Variants in WIPI2 observed in about 807,000 individuals in gnomAD.
WIPI2 encodes the protein WD repeat domain, phosphoinositide interacting 2, also known as WD repeat domain phosphoinositide-interacting protein 2.
WIPI2 carries 28 observed loss-of-function variants against 52.3 expected under a neutral mutation model. The observed-to-expected ratio is 0.54, with a 90% CI of 0.40 to 0.73. The LOEUF (loss-of-function observed/expected upper bound fraction) is 0.73, where lower values mean the gene tolerates loss of function less well. Ranked by LOEUF, WIPI2 falls within the 30% of genes least tolerant of loss-of-function variation. The probability of loss-of-function intolerance (pLI) is 0.00; values close to 1 mark genes in which losing one functional copy is unlikely to be tolerated. For synonymous variants in WIPI2, 268 were observed against 245.0 expected (o/e 1.09, Z -0.88); for missense variants, 506 against 602.9 (o/e 0.84, Z 1.68).
At chr7:5,220,088 A>T (rs4720534) in intron 7 of WIPI2, among the ~76,000 whole-genome samples, 3 of 151,754 alleles carry the variant, frequency 2.0e-5, no homozygotes, top group South Asian at 2.1e-4. Flanking sequence ...TACAAACCTC[A>T]GCCTCCCAAA....
intron 9 of WIPI2, chr7:5,226,809 C>T (rs1449438572): frequency 1.1e-5 from 1 of 95,008 alleles, no homozygotes; most frequent in Non-Finnish European, 1.9e-5. Flanking sequence ...GGGAAAATAA[C>T]ATTTTGGGGT....
At chr7:5,220,942 T>A (rs923827718) in intron 7 of WIPI2, among the ~76,000 whole-genome samples, 1 of 148,160 alleles carries the variant, frequency 6.7e-6, no homozygotes, top group Non-Finnish European at 1.5e-5. Context: ...TACAGGTGCG[T>A]GCCACCACAC....
Position 5,197,111 on chromosome 7 carries a change from C to CAAAAAA in WIPI2, c.129-2464_129-2459dup, listed in dbSNP as rs1562384541. Among the ~76,000 whole-genome samples the CAAAAAA allele has an allele frequency of 1.1e-4, 6 of 56,426 alleles. 1 individual carries two copies. The highest frequency in any genetic ancestry group is 2.0e-4 in the African/African-American group (2 of 10,216). 37.0% of individuals were successfully genotyped at this position (56,426 alleles called of 152,430 possible). The stretch of plus-strand genomic sequence containing the variant: ...TGCATGACAGAGCGGGACTCCGTCT[C>CAAAAAA]AAAAAACAAAAAAAAAAAAAAAAAA... On this transcript the variant is annotated intron_variant, in intron 2 of 12. Transcript: ENST00000288828.
intron 3 of WIPI2, among the ~76,000 whole-genome samples, chr7:5,212,585 A>G (rs1782610506): frequency 6.6e-6 from 1 of 152,128 alleles, no homozygotes; most frequent in Admixed American, 6.5e-5. Context: ...CCAGGCTGGC[A>G]TGCAGGAACG....
intron 9 of WIPI2, chr7:5,226,488 C>T (rs943308632): frequency 5.8e-5 from 9 of 155,250 alleles, no homozygotes; most frequent in Admixed American, 1.9e-4. Flanking sequence ...TCCTGAGTAC[C>T]TGGGACTATA....
chr7:5,196,632 C>G (rs66613915), intron 2 of WIPI2, among the ~76,000 whole-genome samples: 19,358 of 151,782 alleles, frequency 0.13, 1,342 homozygotes, highest in East Asian at 0.3. Context: ...GACTAAGGCT[C>G]GTTAATTTTG....
chr7:5,217,405 A>T, intron 6 of WIPI2: 1 of 547,570 alleles, frequency 1.8e-6, no homozygotes, highest in Non-Finnish European at 3.3e-6. Flanking sequence ...CCTGGGCTCA[A>T]TTGATCCTCC....
At chr7:5,223,157 C>G (rs1783234630) in intron 8 of WIPI2, among the ~76,000 whole-genome samples, 1 of 152,232 alleles carries the variant, frequency 6.6e-6, no homozygotes. Context: ...CTCATCGGTG[C>G]TTACATGCCT....
At chr7:5,229,796 G>C (rs538600780) in intron 12 of WIPI2, 58 bp downstream of exon 12, 1 of 1,598,906 alleles carries the variant, frequency 6.3e-7, no homozygotes, top group African/African-American at 1.3e-5. Flanking sequence ...GAGTGCTACT[G>C]CCTTCTGCTG....
Position 5,199,749 on chromosome 7 carries a change from T to C in WIPI2, c.211+91T>C. On this transcript the variant is annotated intron_variant, in intron 3 of 12. Transcript: ENST00000288828. ...GCGATCTAAAATTCAGACGCTGTGG[T>C]TGAAGTCCAGACACCCTCTTACCAG... is the stretch of plus-strand genomic sequence containing the variant. The C allele has an allele frequency of 2.3e-6, 3 of 1,305,886 alleles. No homozygotes were observed. The South Asian group carries it at 4.2e-5, about 18-fold the overall frequency. 80.9% of individuals were successfully genotyped at this position (1,305,886 alleles called of 1,614,324 possible). A position where few individuals can be genotyped will look rare whatever the true frequency, so the allele number is the denominator to read the frequency against.
intron 3 of WIPI2, among the ~76,000 whole-genome samples, chr7:5,212,300 C>T (rs114061951): frequency 0.01 from 1,542 of 152,220 alleles, 22 homozygotes; most frequent in African/African-American, 0.036. Flanking sequence ...CAGTGGTAAG[C>T]GCGGTGACTA....
chr7:5,200,164 C>T (rs1426240173), intron 3 of WIPI2, among the ~76,000 whole-genome samples: 4 of 152,172 alleles, frequency 2.6e-5, no homozygotes, highest in Non-Finnish European at 4.4e-5. Flanking sequence ...TGGATTACTT[C>T]ATCTCTGGGC....
At chr7:5,197,118 C>CAAAA (rs869261081) in intron 2 of WIPI2, among the ~76,000 whole-genome samples, 7 of 41,434 alleles carry the variant, frequency 1.7e-4, no homozygotes, top group African/African-American at 5.4e-4. Context: ...TCTCAAAAAA[C>CAAAA]AAAAAAAAAA....
chr7:5,214,299 T>C (rs1583569948), intron 3 of WIPI2: 1 of 1,517,546 alleles, frequency 6.6e-7, no homozygotes, highest in South Asian at 1.2e-5. Context: ...CCTTTGTCTT[T>C]CGTGTGAATG....
At chr7:5,217,695 T>G in intron 6 of WIPI2, 1 of 546,130 alleles carries the variant, frequency 1.8e-6, no homozygotes, top group Non-Finnish European at 3.3e-6. Context: ...CACGGGAATG[T>G]TTGAAGGAAC....
intron 3 of WIPI2, among the ~76,000 whole-genome samples, chr7:5,204,068 A>G (rs1462791337): frequency 2.0e-5 from 3 of 152,180 alleles, no homozygotes; most frequent in Non-Finnish European, 4.4e-5. Context: ...AGCCTGATCC[A>G]TTGTCCACCA....
intron 5 of WIPI2, 37 bp downstream of exon 5, chr7:5,216,696 G>A (rs751500160): frequency 1.9e-6 from 3 of 1,603,208 alleles, no homozygotes; most frequent in Non-Finnish European, 2.6e-6. Flanking sequence ...CCATTTTTCT[G>A]ATTTTGCCCT....
chr7:5,212,173 A>AT (rs1782592059), intron 3 of WIPI2, among the ~76,000 whole-genome samples: 1 of 152,134 alleles, frequency 6.6e-6, no homozygotes, highest in South Asian at 2.1e-4. Context: ...CTCCTCGTCT[A>AT]TGACAGGCGA....
intron 3 of WIPI2, among the ~76,000 whole-genome samples, chr7:5,207,233 A>G (rs1159683110): frequency 6.6e-6 from 1 of 152,188 alleles, no homozygotes; most frequent in Non-Finnish European, 1.5e-5. Flanking sequence ...AGTTTTAACA[A>G]ATGCCTGCAT....
Sources: gnomAD v4.1 joint callset for allele counts (sites outside exome capture counted in the v4.1 genomes callset) on GRCh38, gnomAD v4.1.1 for gene constraint, MANE v1.5 for transcripts, NCBI Gene and HGNC (gene_info 2026-07-23, HGNC 2026-07-21) for gene names.